Variants in ARHGEF16 observed in about 807,000 individuals in gnomAD.
ARHGEF16 encodes Rho guanine exchange factor (GEF) 16.
Under a neutral mutation model 74.1 loss-of-function variants are expected in ARHGEF16, and 59 were observed. The ratio of observed to expected loss-of-function variants is 0.80; its 90% CI spans 0.65 to 0.99. The LOEUF is 0.99. Ranked by LOEUF, ARHGEF16 falls within the 50% of genes least tolerant of loss-of-function variation. The pLI, the probability that ARHGEF16 is intolerant of heterozygous loss-of-function variation, is 0.00. For synonymous variants in ARHGEF16, 415 were observed against 412.6 expected, an observed-to-expected ratio of 1.01 and a Z score of -0.07; for missense variants, 948 against 986.6, an observed-to-expected ratio of 0.96 and a Z score of 0.52.
At chr1:3,472,231 C>A (rs926692218) in intron 6 of ARHGEF16, among the ~76,000 whole-genome samples, 1 of 152,248 alleles carries the variant, frequency 6.6e-6, no homozygotes, top group Non-Finnish European at 1.5e-5. Context: ...CCAGCCACCG[C>A]CTCACACAGC....
chr1:3,474,566 A>T, intron 8 of ARHGEF16, 142 bp from the exon 9 acceptor site: 1 of 715,850 alleles, frequency 1.4e-6, no homozygotes, highest in Non-Finnish European at 2.5e-6. Context: ...CAGGGGCTGT[A>T]CGTGCTGTGG....
rs1639963240 is a variant in ARHGEF16, at chr1:3,478,580, C to T, written c.1782C>T (p.Arg594=). The change falls in exon 12 of 15, where the codon CGC becomes CGT. Residue 594 remains arginine, a synonymous_variant. Coordinates refer to ENST00000378378, the MANE Select transcript of ARHGEF16 (RefSeq NM_014448.4). ...QVTLLRNSEG[R]QEQLLLSSDS... ...CCCTGCTTCGCAACAGCGAGGGCCGCCAGGAGCAGCTCCTGCTCTCCTCGG... is the reference window on the plus strand; with the variant it reads ...CCCTGCTTCGCAACAGCGAGGGCCGTCAGGAGCAGCTCCTGCTCTCCTCGG... 6.2e-7 allele frequency: 1 copy of T among 1,612,126 alleles called. No individual in the cohort carries two copies. Among genetic ancestry groups the T allele is most frequent in the Non-Finnish European group, 8.5e-7 (1 of 1,179,600 alleles).
At chr1:3,479,723 C>A in intron 13 of ARHGEF16, 89 bp from the exon 14 acceptor site, 3 of 1,559,944 alleles carry the variant, frequency 1.9e-6, no homozygotes, top group Non-Finnish European at 2.6e-6. Flanking sequence ...GTGCCCCGGC[C>A]CCGGGGGATG....
intron 10 of ARHGEF16, among the ~76,000 whole-genome samples, chr1:3,477,263 C>A (rs1333460370): frequency 6.7e-6 from 1 of 149,026 alleles, no homozygotes; most frequent in Admixed American, 6.6e-5. Context: ...GCCCTCCCCC[C>A]CACCCTGTAC....
chr1:3,455,548 G>C (rs1639248675), intron 1 of ARHGEF16, among the ~76,000 whole-genome samples: 1 of 152,334 alleles, frequency 6.6e-6, no homozygotes, highest in African/African-American at 2.4e-5. Context: ...AGCAGGTGGG[G>C]GGACTGAGGG....
chr1:3,479,687 C>T (rs1640001022), intron 13 of ARHGEF16, 97 bp downstream of exon 13: 3 of 1,561,776 alleles, frequency 1.9e-6, no homozygotes, highest in Admixed American at 1.8e-5. Flanking sequence ...TGGCCTTGTG[C>T]TGGGGCCTGG....
At chr1:3,474,629 CG>C in intron 8 of ARHGEF16, 78 bp from the exon 9 acceptor site, 1 of 1,383,656 alleles carries the variant, frequency 7.2e-7, no homozygotes, top group Non-Finnish European at 1.0e-6. Flanking sequence ...CAGCCCCACA[CG>C]GGGTCTGGCG....
rs374315759 is a variant in ARHGEF16, at chr1:3,480,730, G to A, written c.*143G>A. On this transcript the variant is annotated 3_prime_UTR_variant, in exon 15 of 15. Coordinates refer to ENST00000378378, the MANE Select transcript of ARHGEF16 (RefSeq NM_014448.4). The stretch of plus-strand genomic sequence containing the variant: ...CCCAAGAGCCTGTGGCTGTGGTGCC[G>A]GGCTCCAGACACTTCACGGAAGGAA... 1.6e-3 allele frequency: 1,876 copies of A among 1,174,142 alleles called. No homozygotes were observed. The highest frequency in any genetic ancestry group is 2.1e-3 in the Non-Finnish European group (1,796 of 855,934). The allele number at this position is 1,174,142 out of a possible 1,614,324, so 72.7% of individuals were successfully genotyped here.
At chr1:3,478,110 T>C (rs4534324) in intron 11 of ARHGEF16, 84 bp downstream of exon 11, 1,571,594 of 1,580,808 alleles carry the variant, frequency 0.99, 781,548 homozygotes, top group East Asian at 1. Flanking sequence ...TACAGGGAGT[T>C]GGCCCTGAGC....
intron 2 of ARHGEF16, chr1:3,465,880 C>T (rs189377894): frequency 6.3e-6 from 3 of 477,696 alleles, no homozygotes; most frequent in African/African-American, 2.0e-5. Context: ...CGGGCCTGCT[C>T]GAAACTCTTC....
intron 1 of ARHGEF16, among the ~76,000 whole-genome samples, chr1:3,455,299 C>A (rs77136906): frequency 0.067 from 10,138 of 151,926 alleles, 562 homozygotes; most frequent in East Asian, 0.22. Context: ...CCCAAAATTT[C>A]AGAAAAGCCC....
At chr1:3,467,066 C>T (rs1336459656) in intron 3 of ARHGEF16, 102 bp from the exon 4 acceptor site, 9 of 1,265,966 alleles carry the variant, frequency 7.1e-6, no homozygotes, top group East Asian at 5.1e-5. Context: ...CCCACACAGC[C>T]GTGAGAGCCT....
chr1:3,479,736 T>A, intron 13 of ARHGEF16, 76 bp from the exon 14 acceptor site: 1 of 1,552,066 alleles, frequency 6.4e-7, no homozygotes. Context: ...GGGGGATGTG[T>A]CTGCTGGAGG....
chr1:3,471,617 G>A, intron 6 of ARHGEF16: 1 of 1,142,230 alleles, frequency 8.8e-7, no homozygotes, highest in Non-Finnish European at 1.1e-6. Flanking sequence ...TGTGTTCTCT[G>A]AGCTCTGTGT....
In ARHGEF16 at chr1:3,475,951, C is replaced by T. The variant is rs750934095; in HGVS notation, c.1381-19C>T. Reference sequence around the variant, plus strand: ...GGCCCTGTAGCACCAGCCTCTCACACGGGAACCATGCCCTGCAGCTGGTGA... The same window carrying T: ...GGCCCTGTAGCACCAGCCTCTCACATGGGAACCATGCCCTGCAGCTGGTGA... On this transcript the variant is annotated intron_variant, in intron 9 of 14. Transcript: ENST00000378378. 14 of 1,546,600 alleles carry T rather than the reference C, an allele frequency of 9.1e-6. No homozygotes were observed. Among genetic ancestry groups the T allele is most frequent in the African/African-American group, 4.1e-5 (3 of 72,984 alleles).
chr1:3,477,816 C>T (rs762153286), intron 10 of ARHGEF16, 59 bp from the exon 11 acceptor site: 318 of 1,568,496 alleles, frequency 2.0e-4, no homozygotes, highest in Non-Finnish European at 2.7e-4. Flanking sequence ...CTGCTCACCC[C>T]GGCTCTGTCC....
At chr1:3,471,026 G>T (rs1639704331) in intron 6 of ARHGEF16, among the ~76,000 whole-genome samples, 2 of 147,184 alleles carry the variant, frequency 1.4e-5, no homozygotes, top group African/African-American at 2.5e-5. Context: ...CTGGCCAGGG[G>T]TGTGTGTGCG....
At chr1:3,468,754 C>T (rs1297245392) in intron 4 of ARHGEF16, 126 bp from the exon 5 acceptor site, 1 of 1,041,104 alleles carries the variant, frequency 9.6e-7, no homozygotes, top group Non-Finnish European at 1.5e-6. Flanking sequence ...AGGATCGGAC[C>T]TACCTGAGCC....
At position 3,463,526 on chromosome 1, in the gene ARHGEF16, A is replaced by C. The variant is rs1437289775; in HGVS notation, c.442A>C (p.Asn148His). The C allele has an allele frequency of 8.8e-6, 13 of 1,473,082 alleles. No individual in the cohort carries two copies. The highest frequency in any genetic ancestry group is 1.1e-5 in the Non-Finnish European group (12 of 1,109,412). The allele number at this position is 1,473,082 out of a possible 1,614,324, so 91.3% of individuals were successfully genotyped here. Reference protein sequence around the residue: ...DKDPGGMLRRNLRNQSYRAAM... With the variant: ...DKDPGGMLRRHLRNQSYRAAM... The stretch of plus-strand genomic sequence containing the variant: ...GGACCCCGGGGGCATGCTGAGGCGG[A>C]ACCTGCGGAACCAATCCTACCGGGC... Residue 148 changes from asparagine (N) to histidine (H), a missense_variant, in exon 2 of 15, where the codon AAC (asparagine) becomes CAC (histidine). Physicochemically the swap from Asn to His is moderately conservative, Grantham distance 68. Coordinates refer to ENST00000378378, the MANE Select transcript of ARHGEF16 (RefSeq NM_014448.4).
Sources: gnomAD v4.1 joint callset for allele counts (sites outside exome capture counted in the v4.1 genomes callset) on GRCh38, gnomAD v4.1.1 for gene constraint, MANE v1.5 for transcripts, NCBI Gene and HGNC (gene_info 2026-07-23, HGNC 2026-07-21) for gene names.